The following GPR39 variants were observed in gnomAD, a reference collection of about 807,000 sequenced individuals.
GPR39 encodes the protein G protein-coupled receptor 39.
A neutral mutation model predicts 18.4 loss-of-function variants in GPR39; 23 were observed. The ratio of observed to expected loss-of-function variants is 1.25; its 90% CI spans 0.90 to 1.77. GPR39 has a LOEUF of 1.77. GPR39 is among the 40% of genes most tolerant of loss of function. GPR39 has a pLI of 0.00. For synonymous variants in GPR39, 280 were observed against 257.9 expected (o/e 1.09, Z -0.82); for missense variants, 647 against 602.4 (o/e 1.07, Z -0.78).
intron 1 of GPR39, among the ~76,000 whole-genome samples, chr2:132,599,909 A>C (rs1024151260): frequency 6.6e-6 from 1 of 152,152 alleles, no homozygotes; most frequent in African/African-American, 2.4e-5. Context: ...TAATAACACC[A>C]CAGATCTGCT....
chr2:132,580,960 C>CAAAAAAA (rs538565776), intron 1 of GPR39, among the ~76,000 whole-genome samples: 3 of 55,274 alleles, frequency 5.4e-5, no homozygotes, highest in African/African-American at 1.7e-4. Flanking sequence ...GACTCTGTCT[C>CAAAAAAA]AAAAAAAAAA....
At chr2:132,479,168 C>T (rs1681186089) in intron 1 of GPR39, among the ~76,000 whole-genome samples, 1 of 152,146 alleles carries the variant, frequency 6.6e-6, no homozygotes, top group African/African-American at 2.4e-5. Flanking sequence ...TTATTAAAGG[C>T]CCGTGGTATT....
At chr2:132,554,030 C>T (rs754852668) in intron 1 of GPR39, among the ~76,000 whole-genome samples, 5 of 152,178 alleles carry the variant, frequency 3.3e-5, no homozygotes, top group Non-Finnish European at 7.3e-5. Context: ...CTGCTGTAGC[C>T]TCTACCTCCC....
chr2:132,477,380 A>T (rs1039062500), intron 1 of GPR39, among the ~76,000 whole-genome samples: 1 of 152,150 alleles, frequency 6.6e-6, no homozygotes, highest in African/African-American at 2.4e-5. Flanking sequence ...CAGCCTGAGC[A>T]ACATAGTGAT....
chr2:132,552,942 ATTTT>A (rs201811076), intron 1 of GPR39, among the ~76,000 whole-genome samples: 1 of 104,834 alleles, frequency 9.5e-6, no homozygotes, highest in Admixed American at 9.5e-5. Flanking sequence ...ACATATATAT[ATTTT>A]TTTTTTTGGA....
At chr2:132,628,463 C>T (rs973549254) in intron 1 of GPR39, among the ~76,000 whole-genome samples, 5 of 152,216 alleles carry the variant, frequency 3.3e-5, no homozygotes, top group Non-Finnish European at 7.3e-5. Flanking sequence ...CTGCTCCTCA[C>T]TCATGCAGGG....
chr2:132,589,824 A>G (rs1217020584), intron 1 of GPR39, among the ~76,000 whole-genome samples: 1 of 152,210 alleles, frequency 6.6e-6, no homozygotes, highest in Non-Finnish European at 1.5e-5. Context: ...CTGCTGCTAC[A>G]GGACCTGGGG....
At chr2:132,507,035 TTAA>T (rs1679146131) in intron 1 of GPR39, among the ~76,000 whole-genome samples, 1 of 152,134 alleles carries the variant, frequency 6.6e-6, no homozygotes, top group African/African-American at 2.4e-5. Flanking sequence ...TGATAACTCA[TTAA>T]TTCATGAATC....
intron 1 of GPR39, among the ~76,000 whole-genome samples, chr2:132,552,889 CACATATATATAT>C (rs1189104959): frequency 1.6e-5 from 2 of 126,890 alleles, no homozygotes; most frequent in African/African-American, 3.4e-5. Context: ...TATATATACA[CACATATATATAT>C]ACACACACAT....
intron 1 of GPR39, among the ~76,000 whole-genome samples, chr2:132,600,268 T>C (rs1170353132): frequency 6.6e-6 from 1 of 152,186 alleles, no homozygotes; most frequent in Non-Finnish European, 1.5e-5. Context: ...GAGGGAAGTT[T>C]ATGGTAATAA....
intron 1 of GPR39, among the ~76,000 whole-genome samples, chr2:132,492,748 G>GTATATACCATATATATACATTCCATA (rs1681513142): frequency 1.4e-5 from 1 of 73,242 alleles, no homozygotes; most frequent in African/African-American, 3.9e-5. Context: ...TACACACCAT[G>GTATATACCATATATATACATTCCATA]TATATACCAT....
chr2:132,617,033 A>T (rs375918030), intron 1 of GPR39, among the ~76,000 whole-genome samples: 1 of 152,196 alleles, frequency 6.6e-6, no homozygotes, highest in Non-Finnish European at 1.5e-5. Context: ...AACAGTGCAC[A>T]CGTTTTGTGG....
At chr2:132,612,415 A>G (rs1056591856) in intron 1 of GPR39, among the ~76,000 whole-genome samples, 6 of 152,124 alleles carry the variant, frequency 3.9e-5, no homozygotes, top group African/African-American at 1.4e-4. Context: ...AGTTCCTGCA[A>G]AGAACTCTTT....
At chr2:132,501,748 T>C (rs1679041232) in intron 1 of GPR39, among the ~76,000 whole-genome samples, 1 of 152,216 alleles carries the variant, frequency 6.6e-6, no homozygotes, top group African/African-American at 2.4e-5. Context: ...TTTATAAATT[T>C]GGGATCACCA....
At chr2:132,457,818 G>T (rs139221629) in intron 1 of GPR39, among the ~76,000 whole-genome samples, 1,957 of 152,320 alleles carry the variant, frequency 0.013, 45 homozygotes, top group African/African-American at 0.039. Context: ...ACTTTGTTTA[G>T]TTACTCAAGC....
At chr2:132,499,473 G>T (rs112542869) in intron 1 of GPR39, among the ~76,000 whole-genome samples, 2 of 152,050 alleles carry the variant, frequency 1.3e-5, no homozygotes, top group African/African-American at 4.8e-5. Flanking sequence ...TGTGAAGTTG[G>T]GGGGTGTGAT....
chr2:132,637,866 A>G (rs1014194691), intron 1 of GPR39, among the ~76,000 whole-genome samples: 2 of 152,136 alleles, frequency 1.3e-5, no homozygotes, highest in Non-Finnish European at 2.9e-5. Context: ...CTATTAAGGA[A>G]CTGGCTTGAA....
intron 1 of GPR39, among the ~76,000 whole-genome samples, chr2:132,609,262 C>T (rs1681198717): frequency 6.6e-6 from 1 of 152,196 alleles, no homozygotes; most frequent in African/African-American, 2.4e-5. Flanking sequence ...GTGTCCCTGG[C>T]TATTCTTGTC....
At chr2:132,456,725 C>T (rs1338369844) in intron 1 of GPR39, among the ~76,000 whole-genome samples, 3 of 152,088 alleles carry the variant, frequency 2.0e-5, no homozygotes, top group African/African-American at 7.2e-5. Context: ...TTTTATTTCT[C>T]CTTCACTTAT....
Sources: allele counts gnomAD v4.1 joint callset (sites outside exome capture counted in the v4.1 genomes callset), GRCh38; gene constraint gnomAD v4.1.1; transcripts MANE v1.5; gene names NCBI Gene and HGNC (gene_info 2026-07-23, HGNC 2026-07-21).